Variants in TAOK3 observed in about 807,000 individuals in gnomAD.
TAOK3 encodes TAO kinase 3, also known as serine/threonine-protein kinase TAO3.
Under a neutral mutation model 120.4 loss-of-function variants are expected in TAOK3, and 40 were observed. The ratio of observed to expected loss-of-function variants is 0.33; its 90% CI spans 0.26 to 0.43. The LOEUF (loss-of-function observed/expected upper bound fraction) is 0.43. TAOK3 is among the 20% of genes least tolerant of loss of function. The pLI, the probability that TAOK3 is intolerant of heterozygous loss-of-function variation, is 1.00. For synonymous variants in TAOK3, 355 were observed against 387.5 expected (o/e 0.92, Z 0.99); for missense variants, 821 against 1,112.1 (o/e 0.74, Z 3.72).
chr12:118,365,868 T>C (rs2045728371), intron 1 of TAOK3, among the ~76,000 whole-genome samples: 1 of 152,230 alleles, frequency 6.6e-6, no homozygotes, highest in Admixed American at 6.5e-5. Context: ...TATTAAATCT[T>C]GACCTAGGTC....
intron 15 of TAOK3, among the ~76,000 whole-genome samples, chr12:118,177,614 G>A (rs887280998): frequency 2.0e-5 from 3 of 151,790 alleles, no homozygotes; most frequent in African/African-American, 4.8e-5. Flanking sequence ...ACCTGAGGTC[G>A]GGAGTTTGAG....
chr12:118,217,011 T>C (rs2038940545), intron 9 of TAOK3, among the ~76,000 whole-genome samples: 1 of 151,548 alleles, frequency 6.6e-6, no homozygotes, highest in South Asian at 2.1e-4. Flanking sequence ...CTTACCCTAA[T>C]GGATTTTTTA....
chr12:118,345,098 T>C (rs1051376263), intron 1 of TAOK3, among the ~76,000 whole-genome samples: 1 of 152,198 alleles, frequency 6.6e-6, no homozygotes, highest in African/African-American at 2.4e-5. Context: ...CCATATCCAC[T>C]TTCTGGAAGC....
chr12:118,330,135 CAA>C (rs2044083248), intron 1 of TAOK3, among the ~76,000 whole-genome samples: 1 of 152,128 alleles, frequency 6.6e-6, no homozygotes, highest in East Asian at 1.9e-4. Context: ...TCTTTTTTCA[CAA>C]TTTATTTATA....
chr12:118,350,252 A>G (rs1047728333), intron 1 of TAOK3, among the ~76,000 whole-genome samples: 8 of 152,256 alleles, frequency 5.3e-5, no homozygotes, highest in East Asian at 1.9e-4. Flanking sequence ...TTTAATTCCA[A>G]TCTTCACAAT....
chr12:118,259,529 G>A (rs188315270), intron 2 of TAOK3, among the ~76,000 whole-genome samples: 8 of 152,192 alleles, frequency 5.3e-5, no homozygotes, highest in Non-Finnish European at 1.2e-4. Flanking sequence ...AGCAGAGTAA[G>A]ACCCTATCTC....
intron 3 of TAOK3, among the ~76,000 whole-genome samples, chr12:118,254,399 C>T (rs561228073): frequency 3.9e-5 from 6 of 152,024 alleles, no homozygotes; most frequent in South Asian, 2.1e-4. Context: ...GAGTCTGTAA[C>T]GATGAACAAG....
At chr12:118,319,527 TA>T (rs2043613542) in intron 1 of TAOK3, among the ~76,000 whole-genome samples, 1 of 152,092 alleles carries the variant, frequency 6.6e-6, no homozygotes, top group Admixed American at 6.6e-5. Flanking sequence ...CTAGAAAACT[TA>T]ATATTGTCAA....
intron 5 of TAOK3, 119 bp from the exon 6 acceptor site, chr12:118,239,391 C>T (rs541348145): frequency 3.8e-5 from 22 of 584,364 alleles, no homozygotes; most frequent in South Asian, 3.2e-4. Context: ...CTGATCTACC[C>T]GAACTTGGAC....
intron 1 of TAOK3, among the ~76,000 whole-genome samples, chr12:118,346,612 T>C (rs2044871112): frequency 6.6e-6 from 1 of 152,200 alleles, no homozygotes; most frequent in Non-Finnish European, 1.5e-5. Flanking sequence ...AATACACAGC[T>C]TGAATAATTA....
intron 20 of TAOK3, among the ~76,000 whole-genome samples, chr12:118,151,887 C>A (rs967601973): frequency 6.6e-6 from 1 of 152,114 alleles, no homozygotes; most frequent in Non-Finnish European, 1.5e-5. Flanking sequence ...CATTTGGCTT[C>A]CTCGTGCCAT....
chr12:118,324,993 G>A (rs544830197), intron 1 of TAOK3, among the ~76,000 whole-genome samples: 20 of 152,010 alleles, frequency 1.3e-4, no homozygotes, highest in African/African-American at 3.9e-4. Flanking sequence ...TGATCCGCCC[G>A]CCTCGGCCTC....
chr12:118,311,150 A>T (rs943896839), intron 1 of TAOK3, among the ~76,000 whole-genome samples: 10 of 152,204 alleles, frequency 6.6e-5, no homozygotes, highest in African/African-American at 2.4e-4. Context: ...TCTCAGTAAA[A>T]ATAAAGGCAC....
chr12:118,348,582 C>G (rs1435002888), intron 1 of TAOK3, among the ~76,000 whole-genome samples: 1 of 151,728 alleles, frequency 6.6e-6, no homozygotes, highest in Non-Finnish European at 1.5e-5. Flanking sequence ...ACCCGAGTAG[C>G]TCGGACTACA....
chr12:118,192,668 G>A (rs1304942346), intron 13 of TAOK3, among the ~76,000 whole-genome samples: 17 of 152,210 alleles, frequency 1.1e-4, no homozygotes. Context: ...AGAAATTAAA[G>A]TATCAACTTT....
intron 1 of TAOK3, among the ~76,000 whole-genome samples, chr12:118,284,681 G>A (rs2042204592): frequency 6.6e-6 from 1 of 152,046 alleles, no homozygotes; most frequent in South Asian, 2.1e-4. Flanking sequence ...GCGCAAGGTC[G>A]GATCTGGGAG....
chr12:118,198,028 T>C (rs1048438072), intron 13 of TAOK3, among the ~76,000 whole-genome samples: 8 of 152,202 alleles, frequency 5.3e-5, no homozygotes, highest in African/African-American at 1.9e-4. Flanking sequence ...CTGGCAATGC[T>C]GATCTCTTGG....
intron 1 of TAOK3, among the ~76,000 whole-genome samples, chr12:118,304,560 C>A (rs1319106331): frequency 6.6e-6 from 1 of 152,156 alleles, no homozygotes; most frequent in African/African-American, 2.4e-5. Context: ...AAATATTCTT[C>A]AACAACTTTG....
chr12:118,274,165 G>C (rs1191333571), intron 1 of TAOK3, among the ~76,000 whole-genome samples: 1 of 151,974 alleles, frequency 6.6e-6, no homozygotes, highest in African/African-American at 2.4e-5. Flanking sequence ...AAATTTTGTT[G>C]TAATTGCTGT....
Sources: allele counts gnomAD v4.1 joint callset (sites outside exome capture counted in the v4.1 genomes callset), GRCh38; gene constraint gnomAD v4.1.1; transcripts MANE v1.5; gene names NCBI Gene and HGNC (gene_info 2026-07-23, HGNC 2026-07-21).